Variants in MCCC1 observed in about 807,000 individuals in gnomAD.
MCCC1 encodes the protein methylcrotonyl-CoA carboxylase subunit 1.
A neutral mutation model predicts 83.8 loss-of-function variants in MCCC1; 64 were observed. That is an observed-to-expected ratio of 0.76 (90% CI 0.62 to 0.94). The LOEUF is 0.94. Among genes scored for constraint, MCCC1 ranks in the 40% least tolerant of loss-of-function variants. The probability of loss-of-function intolerance (pLI) is 0.00; values close to 1 mark genes in which losing one functional copy is unlikely to be tolerated. For missense variants in MCCC1, 807 were observed against 904.7 expected (o/e 0.89, Z 1.39); for synonymous variants, 322 against 315.4 (o/e 1.02, Z -0.22).
chr3:183,061,446 G>T (rs1715828289), intron 7 of MCCC1, among the ~76,000 whole-genome samples: 1 of 152,102 alleles, frequency 6.6e-6, no homozygotes, highest in Non-Finnish European at 1.5e-5. Flanking sequence ...TGTAAAACAT[G>T]AGGGATTTTT....
chr3:183,096,584 A>C (rs1277884275), intron 1 of MCCC1, among the ~76,000 whole-genome samples: 1 of 151,666 alleles, frequency 6.6e-6, no homozygotes, highest in Admixed American at 6.6e-5. Flanking sequence ...ATTTCACTGG[A>C]GCGGAGATGC....
At position 183,045,618 on chromosome 3, in the gene MCCC1, T is replaced by A. The variant is rs1465127975; in HGVS notation, c.956-78A>T. Reference sequence around the variant, plus strand: ...CCAAAATCTTCCATGATGCATCACATCAAGTTTTACCGCTGTCTTCATTCA... The same window carrying A: ...CCAAAATCTTCCATGATGCATCACAACAAGTTTTACCGCTGTCTTCATTCA... On this transcript the variant is annotated intron_variant, in intron 9 of 18. Transcript: ENST00000265594. The A allele has an allele frequency of 2.0e-6, 3 of 1,499,416 alleles. No individual in the cohort carries two copies. The African/African-American group carries it at 4.1e-5, about 21-fold the overall frequency. The allele number at this position is 1,499,416 out of a possible 1,614,324, so 92.9% of individuals were successfully genotyped here.
intron 8 of MCCC1, 72 bp from the exon 9 acceptor site, chr3:183,052,312 C>CGGCCGGGCGCGGTGGCTCACGCCTGT: frequency 7.8e-7 from 1 of 1,286,064 alleles, no homozygotes; most frequent in Admixed American, 1.7e-5. Context: ...AAATTCAATT[C>CGGCCGGGCGCGGTGGCTCACGCCTGT]AGTCAGGTGC....
chr3:183,040,384 T>C (rs937825046), intron 11 of MCCC1, among the ~76,000 whole-genome samples: 3 of 151,880 alleles, frequency 2.0e-5, no homozygotes, highest in Non-Finnish European at 4.4e-5. Context: ...TGTTTAAATC[T>C]ACCTATCTAA....
In MCCC1 at chr3:183,071,361, T is replaced by C. The variant is rs908545297; in HGVS notation, c.492-4A>G. ...AGCCATTATGGATTTGGATGTGCTTTAGAGTGGGAAAGAAAACAACATGCC... is the reference window on the plus strand; with the variant it reads ...AGCCATTATGGATTTGGATGTGCTTCAGAGTGGGAAAGAAAACAACATGCC... On this transcript the variant is annotated splice_polypyrimidine_tract_variant and splice_region_variant and intron_variant, in intron 5 of 18. Coordinates refer to ENST00000265594, the MANE Select transcript of MCCC1 (RefSeq NM_020166.5). 7.4e-6 allele frequency: 12 copies of C among 1,614,096 alleles called. No homozygotes were observed. Among genetic ancestry groups the C allele is most frequent in the Non-Finnish European group, 1.0e-5 (12 of 1,180,038 alleles).
chr3:183,047,008 A>C (rs1318954946), intron 9 of MCCC1, among the ~76,000 whole-genome samples: 5 of 152,210 alleles, frequency 3.3e-5, no homozygotes, highest in African/African-American at 4.8e-5. Context: ...CACTTTTGTG[A>C]GTTTTACCTC....
intron 7 of MCCC1, among the ~76,000 whole-genome samples, chr3:183,068,519 C>T (rs1383841997): frequency 1.3e-5 from 2 of 152,238 alleles, no homozygotes; most frequent in African/African-American, 4.8e-5. Flanking sequence ...AAAATGGCAA[C>T]CAGCAGCCCT....
At position 183,039,799 on chromosome 3, in the gene MCCC1, C is replaced by T. The variant is rs77807842; in HGVS notation, c.1268-664G>A. On this transcript the variant is annotated intron_variant, in intron 11 of 18. Transcript: ENST00000265594. ...TGACCTCTTTGAACCCCAGAGTCCTCGTTGATAAGATTAGAGGTGCCTACA... is the reference window on the plus strand; with the variant it reads ...TGACCTCTTTGAACCCCAGAGTCCTTGTTGATAAGATTAGAGGTGCCTACA... Among the ~76,000 whole-genome samples, 1,308 of 152,036 alleles carry T rather than the reference C, an allele frequency of 8.6e-3. 7 individuals carry two copies. The highest frequency in any genetic ancestry group is 0.013 in the Non-Finnish European group (869 of 67,958).
At chr3:183,079,697 G>A (rs1470930599) in intron 4 of MCCC1, among the ~76,000 whole-genome samples, 2 of 152,214 alleles carry the variant, frequency 1.3e-5, no homozygotes, top group Non-Finnish European at 2.9e-5. Context: ...CCCCAATAGG[G>A]ACTCTGTGTG....
rs531968962 is a variant in MCCC1 at position 183,020,922 on chromosome 3, T to C, written c.1870-685A>G. The stretch of plus-strand genomic sequence containing the variant: ...AAAAATACAAAAAATTAGCTGGGCA[T>C]GGTGGCGGGCGCCTGCAGTCCCAGC... On this transcript the variant is annotated intron_variant, in intron 16 of 18. Transcript: ENST00000265594. 2.8e-4 allele frequency among the ~76,000 whole-genome samples: 42 copies of C among 151,976 alleles called. No homozygotes were observed. The South Asian group carries it at 5.0e-3, about 18-fold the overall frequency.
At chr3:183,066,403 C>T (rs1314868386) in intron 7 of MCCC1, among the ~76,000 whole-genome samples, 1 of 152,182 alleles carries the variant, frequency 6.6e-6, no homozygotes, top group African/African-American at 2.4e-5. Context: ...CTCCCAGGTT[C>T]AAGTGATTCT....
At chr3:183,060,537 T>A (rs1483259719) in intron 7 of MCCC1, among the ~76,000 whole-genome samples, 1 of 152,192 alleles carries the variant, frequency 6.6e-6, no homozygotes, top group Non-Finnish European at 1.5e-5. Flanking sequence ...CTTTTCATTG[T>A]TTTTTCCATG....
chr3:183,098,194 G>A (rs1718883339), intron 1 of MCCC1, among the ~76,000 whole-genome samples: 1 of 152,260 alleles, frequency 6.6e-6, no homozygotes, highest in South Asian at 2.1e-4. Flanking sequence ...GTCCCAAAGT[G>A]CTGCGATTAC....
At chr3:183,070,819 G>A (rs1318950032) in intron 7 of MCCC1, among the ~76,000 whole-genome samples, 180 bp downstream of exon 7, 1 of 152,072 alleles carries the variant, frequency 6.6e-6, no homozygotes, top group Non-Finnish European at 1.5e-5. Flanking sequence ...TATTCACATA[G>A]AAAATGGCTG....
At position 183,022,457 on chromosome 3, in the gene MCCC1, T is replaced by A; in HGVS notation, c.1829A>T (p.Lys610Met). ...CSVNGVASKA[K>M]LIILENTIYL... The stretch of plus-strand genomic sequence containing the variant: ...AATAGTGTTTTCCAGGATAATCAGC[T>A]TCGCTTTACTAGCAACTCCATTAAC... Residue 610 changes from lysine to methionine, a missense_variant, in exon 16 of 19, where the codon AAG becomes ATG. Coordinates refer to ENST00000265594, the MANE Select transcript of MCCC1 (RefSeq NM_020166.5). 1 of 1,614,178 alleles carries A rather than the reference T, an allele frequency of 6.2e-7. No individual in the cohort carries two copies. The highest frequency in any genetic ancestry group is 1.1e-5 in the South Asian group (1 of 91,086).
chr3:183,094,318 G>A (rs558960237), intron 2 of MCCC1, among the ~76,000 whole-genome samples: 283 of 152,082 alleles, frequency 1.9e-3, no homozygotes, highest in African/African-American at 6.7e-3. Context: ...CCAAAGTGCT[G>A]GGATACAGGC....
chr3:183,019,410 G>T (rs761265711), intron 17 of MCCC1, among the ~76,000 whole-genome samples: 3 of 152,134 alleles, frequency 2.0e-5, no homozygotes, highest in Admixed American at 6.5e-5. Context: ...GAGGGATCTG[G>T]CCTCATGAAA....
intron 1 of MCCC1, 112 bp from the exon 2 acceptor site, chr3:183,094,717 CT>C: frequency 9.6e-7 from 1 of 1,041,712 alleles, no homozygotes; most frequent in Non-Finnish European, 1.5e-6. Flanking sequence ...ACTAACAGTG[CT>C]TTAGTAAGAC....
rs578234363 is a variant in MCCC1, at chr3:183,041,729, G to A, written c.1105C>T (p.Pro369Ser). ...AGAGTTATTTCTTCCTGGCTCAAAG[G>A]AATCTTCTCTCCTGCTGCAATCTGG... is the stretch of plus-strand genomic sequence containing the variant. ...QLRIAAGEKI[P>S]LSQEEITLQG... Residue 369 changes from proline to serine, a missense_variant, in exon 11 of 19, where the codon CCT becomes TCT. Physicochemically the swap from Pro to Ser is moderately conservative, Grantham distance 74. Coordinates refer to ENST00000265594, the MANE Select transcript of MCCC1 (RefSeq NM_020166.5). 1.9e-6 allele frequency: 3 copies of A among 1,614,138 alleles called. No individual in the cohort carries two copies. The highest frequency in any genetic ancestry group is 1.3e-5 in the African/African-American group (1 of 75,016).
Sources: gnomAD v4.1 joint callset for allele counts (sites outside exome capture counted in the v4.1 genomes callset) on GRCh38, gnomAD v4.1.1 for gene constraint, MANE v1.5 for transcripts, NCBI Gene and HGNC (gene_info 2026-07-23, HGNC 2026-07-21) for gene names.